Variants in ABCB1 observed in about 807,000 individuals in gnomAD.
ABCB1 encodes ATP binding cassette subfamily B member 1.
ABCB1 carries 69 observed loss-of-function variants against 142.0 expected under a neutral mutation model. That is an observed-to-expected ratio of 0.49 (90% CI 0.40 to 0.59). The LOEUF (loss-of-function observed/expected upper bound fraction) is 0.59. ABCB1 is among the 20% of genes least tolerant of loss of function. ABCB1 has a pLI of 0.00. For synonymous variants in ABCB1, 532 were observed against 539.2 expected, an observed-to-expected ratio of 0.99 and a Z score of 0.18; for missense variants, 1,326 against 1,554.7, an observed-to-expected ratio of 0.85 and a Z score of 2.47.
chr7:87,683,257 T>C (rs1438076064), intron 1 of ABCB1, among the ~76,000 whole-genome samples: 1 of 152,202 alleles, frequency 6.6e-6, no homozygotes, highest in Non-Finnish European at 1.5e-5. Context: ...CACTCAAACT[T>C]TCTTCATATC....
chr7:87,551,367 G>C (rs1432219897), intron 9 of ABCB1, among the ~76,000 whole-genome samples: 1 of 152,232 alleles, frequency 6.6e-6, no homozygotes, highest in Admixed American at 6.5e-5. Flanking sequence ...TGAGGAGATA[G>C]ATATGTTAAT....
chr7:87,526,464 T>C (rs1815788374), intron 21 of ABCB1, among the ~76,000 whole-genome samples: 1 of 151,920 alleles, frequency 6.6e-6, no homozygotes, highest in African/African-American at 2.4e-5. Context: ...GAGGATCGCT[T>C]GAGCTCAGGA....
At chr7:87,607,100 G>T (rs1819682392) in intron 1 of ABCB1, among the ~76,000 whole-genome samples, 1 of 152,170 alleles carries the variant, frequency 6.6e-6, no homozygotes, top group Non-Finnish European at 1.5e-5. Flanking sequence ...TTCTCCTTAA[G>T]TAATAAGAAA....
chr7:87,689,166 A>G (rs983696559), intron 1 of ABCB1, among the ~76,000 whole-genome samples: 12 of 152,090 alleles, frequency 7.9e-5, no homozygotes, highest in African/African-American at 1.7e-4. Flanking sequence ...TTATTGATAA[A>G]ATTATCTGAG....
Position 87,550,757 on chromosome 7 carries a change from C to G in ABCB1, c.1081G>C (p.Ala361Pro). The G allele has an allele frequency of 1.2e-6, 2 of 1,613,628 alleles. No homozygotes were observed. The highest frequency in any genetic ancestry group is 1.7e-6 in the Non-Finnish European group (2 of 1,179,556). ...SIEAFANARG[A>P]AYEIFKIIDN... is the part of the protein sequence containing the mutation. ...ATTATCTTGAAGATTTCATAAGCTG[C>G]TCCTCTTGCATTTGCAAATGCTTCA... Residue 361 changes from alanine to proline, a missense_variant, in exon 10 of 28, where the codon GCA becomes CCA. Physicochemically the swap from Ala to Pro is conservative, Grantham distance 27. Transcript: ENST00000622132.
chr7:87,562,046 A>T (rs28381859), intron 7 of ABCB1, among the ~76,000 whole-genome samples: 2 of 152,172 alleles, frequency 1.3e-5, no homozygotes, highest in African/African-American at 4.8e-5. Flanking sequence ...GATTAAATAG[A>T]ATTATATTCT....
chr7:87,522,249 T>G, intron 21 of ABCB1: 1 of 995,636 alleles, frequency 1.0e-6, no homozygotes, highest in Non-Finnish European at 1.6e-6. Flanking sequence ...TTTTGGCAAT[T>G]ACAACAATTA....
At chr7:87,626,077 C>CAT (rs372003612) in intron 1 of ABCB1, among the ~76,000 whole-genome samples, 4,788 of 84,196 alleles carry the variant, frequency 0.057, 613 homozygotes, top group Non-Finnish European at 0.068. Flanking sequence ...CAGGCTGAGA[C>CAT]ATATATATAT....
At chr7:87,560,910 C>A (rs1009339522) in intron 8 of ABCB1, among the ~76,000 whole-genome samples, 2 of 152,004 alleles carry the variant, frequency 1.3e-5, no homozygotes, top group African/African-American at 4.8e-5. Flanking sequence ...GGAAAATGAA[C>A]CACGGATTAA....
intron 4 of ABCB1, among the ~76,000 whole-genome samples, chr7:87,585,048 C>T (rs1291421176): frequency 6.6e-6 from 1 of 151,932 alleles, no homozygotes; most frequent in Non-Finnish European, 1.5e-5. Context: ...AACTAAATTT[C>T]TGGGATTTAT....
At chr7:87,581,307 G>C (rs980309506) in intron 4 of ABCB1, among the ~76,000 whole-genome samples, 1 of 151,842 alleles carries the variant, frequency 6.6e-6, no homozygotes, top group African/African-American at 2.4e-5. Flanking sequence ...TCAACTGCCT[G>C]GATGTCATTT....
chr7:87,677,056 A>G (rs979892074), intron 1 of ABCB1, among the ~76,000 whole-genome samples: 1 of 152,162 alleles, frequency 6.6e-6, no homozygotes, highest in Non-Finnish European at 1.5e-5. Flanking sequence ...GCCATTATGG[A>G]AAACAGTATG....
chr7:87,539,460 A>T, intron 18 of ABCB1, 115 bp from the exon 19 acceptor site: 1 of 1,047,544 alleles, frequency 9.5e-7, no homozygotes, highest in Non-Finnish European at 1.5e-6. Context: ...CCTGATTTCA[A>T]GGGCTTGCTA....
At chr7:87,590,892 G>GATACT (rs2129956785) in intron 3 of ABCB1, among the ~76,000 whole-genome samples, 1 of 152,204 alleles carries the variant, frequency 6.6e-6, no homozygotes, top group Non-Finnish European at 1.5e-5. Flanking sequence ...AGGAAGGAGG[G>GATACT]ATACTAGGAG....
At chr7:87,512,852 G>C (rs1486470100) in intron 25 of ABCB1, among the ~76,000 whole-genome samples, 1 of 152,192 alleles carries the variant, frequency 6.6e-6, no homozygotes, top group African/African-American at 2.4e-5. Flanking sequence ...TTTGTTTTCA[G>C]TGCATTATCA....
chr7:87,541,599 T>C lies in ABCB1; in HGVS notation c.2212-135A>G, dbSNP rs903634821. The C allele has an allele frequency of 1.1e-5, 8 of 712,214 alleles. No homozygotes were observed. In the African/African-American group the frequency reaches 1.2e-4, roughly 11 times the overall value. 44.1% of individuals were successfully genotyped at this position (712,214 alleles called of 1,614,324 possible). ...CGCTGGAAATTGGGGTTGGCTTTCC[T>C]ATTGCCAGCCTTAAAGGTGTCTGCA... On this transcript the variant is annotated intron_variant, in intron 17 of 27. Coordinates refer to ENST00000622132, the MANE Select transcript of ABCB1 (RefSeq NM_001348946.2).
intron 8 of ABCB1, among the ~76,000 whole-genome samples, chr7:87,560,928 C>T (rs189296949): frequency 1.5e-4 from 23 of 152,136 alleles, no homozygotes; most frequent in Non-Finnish European, 2.9e-4. Flanking sequence ...TAAAATGTCC[C>T]CATAGATCTT....
intron 19 of ABCB1, among the ~76,000 whole-genome samples, chr7:87,538,418 G>T (rs550504917): frequency 1.3e-5 from 2 of 152,270 alleles, no homozygotes; most frequent in East Asian, 3.9e-4. Flanking sequence ...GGAGGAATGG[G>T]GAAGAACTGA....
chr7:87,521,480 C>T (rs1313400776), intron 21 of ABCB1: 1 of 739,748 alleles, frequency 1.4e-6, no homozygotes, highest in African/African-American at 1.7e-5. Context: ...TCAGAGTCTC[C>T]TAATGAGCCC....
Sources: gnomAD v4.1 joint callset for allele counts (sites outside exome capture counted in the v4.1 genomes callset) on GRCh38, gnomAD v4.1.1 for gene constraint, MANE v1.5 for transcripts, NCBI Gene and HGNC (gene_info 2026-07-23, HGNC 2026-07-21) for gene names.